MYO10: variants seen among roughly 807,000 people sequenced by gnomAD.
The protein encoded by MYO10 is myosin X, also known as unconventional myosin-X.
MYO10 carries 133 observed loss-of-function variants against 257.3 expected under a neutral mutation model. The observed-to-expected ratio is 0.52, with a 90% CI of 0.45 to 0.60. The LOEUF (loss-of-function observed/expected upper bound fraction) is 0.60. MYO10 is among the 20% of genes least tolerant of loss of function. The pLI, the probability that MYO10 is intolerant of heterozygous loss-of-function variation, is 0.00. For missense variants in MYO10, 2,399 were observed against 2,635.7 expected (o/e 0.91, Z 1.97); for synonymous variants, 1,104 against 1,028.6 (o/e 1.07, Z -1.40).
chr5:16,857,147 C>T (rs1743983131), intron 2 of MYO10, among the ~76,000 whole-genome samples: 2 of 152,192 alleles, frequency 1.3e-5, no homozygotes, highest in African/African-American at 2.4e-5. Context: ...GATGAACACA[C>T]AACACACAGG....
chr5:16,833,941 G>A (rs965040204), intron 2 of MYO10, among the ~76,000 whole-genome samples: 9 of 152,106 alleles, frequency 5.9e-5, no homozygotes, highest in Non-Finnish European at 5.9e-5. Context: ...TACCCTGATT[G>A]GAATTCTCTG....
At chr5:16,696,508 T>C (rs1469762679) in intron 26 of MYO10, among the ~76,000 whole-genome samples, 1 of 152,212 alleles carries the variant, frequency 6.6e-6, no homozygotes, top group South Asian at 2.1e-4. Flanking sequence ...TTTAATACTT[T>C]GAATGTGTCT....
chr5:16,805,476 A>AAG (rs1553998224), intron 3 of MYO10, among the ~76,000 whole-genome samples: 4 of 146,816 alleles, frequency 2.7e-5, no homozygotes, highest in South Asian at 4.3e-4. Flanking sequence ...AAAAAAAAAA[A>AAG]AAAAGAAAAG....
chr5:16,803,008 G>GCTC (rs1742165596), intron 3 of MYO10, among the ~76,000 whole-genome samples: 2 of 152,048 alleles, frequency 1.3e-5, no homozygotes, highest in Non-Finnish European at 2.9e-5. Flanking sequence ...GGGAGGCTGA[G>GCTC]GTGGGAGGAT....
rs983818009 is a variant in MYO10 at position 16,823,525 on chromosome 5, G to A, written c.121-5358C>T. 8.3e-5 allele frequency among the ~76,000 whole-genome samples: 10 copies of A among 120,046 alleles called. No homozygotes were observed. In the Middle Eastern group the frequency reaches 0.024, roughly 289 times the overall value. 78.8% of individuals were successfully genotyped at this position (120,046 alleles called of 152,430 possible). A position where few individuals can be genotyped will look rare whatever the true frequency, so the allele number is the denominator to read the frequency against. ...CTCACTCTGTCGCCCAGGCTAGAGT[G>A]CAGTGGCACAATCTCGGCTCACTGC... On this transcript the variant is annotated intron_variant, in intron 2 of 40. Transcript: ENST00000513610.
chr5:16,893,442 T>C (rs1456923656), intron 1 of MYO10, among the ~76,000 whole-genome samples: 1 of 151,818 alleles, frequency 6.6e-6, no homozygotes, highest in Admixed American at 6.6e-5. Flanking sequence ...GAGACCAGCC[T>C]GGCCAACATG....
chr5:16,813,771 G>C (rs979137052), intron 3 of MYO10, among the ~76,000 whole-genome samples: 2 of 152,162 alleles, frequency 1.3e-5, no homozygotes, highest in African/African-American at 4.8e-5. Flanking sequence ...GGCCTTAAAA[G>C]CAGACAGCCT....
chr5:16,715,392 ATTTTTTTTTTTT>A (rs372307063), intron 19 of MYO10, among the ~76,000 whole-genome samples: 1 of 84,340 alleles, frequency 1.2e-5, no homozygotes, highest in Non-Finnish European at 2.1e-5. Context: ...TAAGATTGAA[ATTTTTTTTTTTT>A]TTTTTTTTTT....
chr5:16,758,133 G>A lies in MYO10; in HGVS notation c.1833C>T (p.Val611=). The change falls in exon 18 of 41, where the codon GTC becomes GTT. Residue 611 remains valine (V), a synonymous_variant. Transcript: ENST00000513610. Reference sequence around the variant, plus strand: ...GAAAACGAACCTTGAACTGTGAGCTGACTGTAGGCCGCCGATGTTTGCTTC... The same window carrying A: ...GAAAACGAACCTTGAACTGTGAGCTAACTGTAGGCCGCCGATGTTTGCTTC... ...KCGSKHRRPT[V]SSQFKDSLHS... is the part of the protein sequence containing the mutation. 6.2e-7 allele frequency: 1 copy of A among 1,610,676 alleles called. No individual in the cohort carries two copies. Among genetic ancestry groups the A allele is most frequent in the Non-Finnish European group, 8.5e-7 (1 of 1,176,870 alleles).
intron 2 of MYO10, among the ~76,000 whole-genome samples, chr5:16,822,744 G>C (rs1417986521): frequency 6.8e-6 from 1 of 147,860 alleles, no homozygotes; most frequent in East Asian, 2.0e-4. Context: ...CTGGAGTGCA[G>C]TGGCACAATC....
chr5:16,830,138 AG>A (rs1287740997), intron 2 of MYO10, among the ~76,000 whole-genome samples: 1 of 151,922 alleles, frequency 6.6e-6, no homozygotes, highest in Non-Finnish European at 1.5e-5. Context: ...TGGGAGGCTG[AG>A]GTTGACGAAT....
At chr5:16,844,240 T>C (rs1316632273) in intron 2 of MYO10, among the ~76,000 whole-genome samples, 1 of 152,240 alleles carries the variant, frequency 6.6e-6, no homozygotes, top group East Asian at 1.9e-4. Context: ...TCCTTTTTTT[T>C]CTTTGAATAA....
chr5:16,690,987 C>T (rs948361751), intron 27 of MYO10, among the ~76,000 whole-genome samples: 3 of 151,960 alleles, frequency 2.0e-5, no homozygotes, highest in Non-Finnish European at 2.9e-5. Flanking sequence ...TGCAAATGTT[C>T]GGCCGGGCGT....
At chr5:16,740,330 A>G (rs577075420) in intron 19 of MYO10, among the ~76,000 whole-genome samples, 1 of 151,846 alleles carries the variant, frequency 6.6e-6, no homozygotes, top group East Asian at 1.9e-4. Flanking sequence ...ACGTTAATTC[A>G]GGGCGGCTAA....
chr5:16,717,431 A>C (rs1738920728), intron 19 of MYO10, among the ~76,000 whole-genome samples: 3 of 152,334 alleles, frequency 2.0e-5, no homozygotes, highest in Middle Eastern at 3.4e-3. Flanking sequence ...TTTAAGCACA[A>C]GGAACATTCC....
chr5:16,835,737 G>A (rs1030710476), intron 2 of MYO10, among the ~76,000 whole-genome samples: 15 of 150,918 alleles, frequency 9.9e-5, no homozygotes, highest in Non-Finnish European at 1.9e-4. Context: ...AAAGATTAGG[G>A]AAAGGCAGAA....
chr5:16,677,582 A>C (rs886413930), intron 33 of MYO10, among the ~76,000 whole-genome samples: 28 of 147,398 alleles, frequency 1.9e-4, no homozygotes, highest in African/African-American at 7.5e-4. Flanking sequence ...CACCCAGCTA[A>C]TTTTTTGCAT....
rs1267286238 is a variant in MYO10, at chr5:16,663,429, G to C, written c.*3263C>G. 7.2e-6 allele frequency: 1 copy of C among 139,248 alleles called. No homozygotes were observed. The highest frequency in any genetic ancestry group is 1.5e-5 in the Non-Finnish European group (1 of 66,502). 8.6% of individuals were successfully genotyped at this position (139,248 alleles called of 1,614,324 possible). On this transcript the variant is annotated 3_prime_UTR_variant, in exon 41 of 41. Transcript: ENST00000513610. ...AAAAATTAAAAATACTAGATTGTCA[G>C]CGTCTGAAGTGATAAAATACTTTAT...
chr5:16,763,519 A>C lies in MYO10; in HGVS notation c.1456T>G (p.Trp486Gly), dbSNP rs748182159. Residue 486 changes from tryptophan to glycine, a missense_variant, in exon 14 of 41, where the codon TGG becomes GGG. Physicochemically the swap from Trp to Gly is radical, Grantham distance 184. Transcript: ENST00000513610. Reference protein sequence around the residue: ...REGLVWEDIDWIDNGECLDLI... With the variant: ...REGLVWEDIDGIDNGECLDLI... ...TCCAGGCATTCTCCATTGTCTATCCAGTCAATATCTTCCCACACTAATCCT... is the reference window on the plus strand; with the variant it reads ...TCCAGGCATTCTCCATTGTCTATCCCGTCAATATCTTCCCACACTAATCCT... The C allele has an allele frequency of 6.2e-7, 1 of 1,612,572 alleles. No homozygotes were observed. Among genetic ancestry groups the C allele is most frequent in the Non-Finnish European group, 8.5e-7 (1 of 1,178,610 alleles).
Sources: gnomAD v4.1 joint callset for allele counts (sites outside exome capture counted in the v4.1 genomes callset) on GRCh38, gnomAD v4.1.1 for gene constraint, MANE v1.5 for transcripts, NCBI Gene and HGNC (gene_info 2026-07-23, HGNC 2026-07-21) for gene names.